Variants in VWC2L observed in about 807,000 individuals in gnomAD.
VWC2L encodes the protein von Willebrand factor C domain containing 2 like.
Under a neutral mutation model 21.6 loss-of-function variants are expected in VWC2L, and 10 were observed. That is an observed-to-expected ratio of 0.46 (90% CI 0.29 to 0.78). VWC2L has a LOEUF of 0.78. VWC2L is among the 30% of genes least tolerant of loss of function. VWC2L has a pLI of 0.10. For synonymous variants in VWC2L, 96 were observed against 94.3 expected, an observed-to-expected ratio of 1.02 and a Z score of -0.10; for missense variants, 209 against 277.1, an observed-to-expected ratio of 0.75 and a Z score of 1.74.
At chr2:214,432,696 A>G (rs940146674) in intron 2 of VWC2L, among the ~76,000 whole-genome samples, 1 of 152,186 alleles carries the variant, frequency 6.6e-6, no homozygotes, top group Non-Finnish European at 1.5e-5. Flanking sequence ...ATCTAGGGCC[A>G]GCTGGGACAG....
At position 214,569,981 on chromosome 2, in the gene VWC2L, G is replaced by GAA. The variant is rs139845885; in HGVS notation, c.521-5683_521-5682dup. ...ATGGGGAAATTTCAGGGCTTACCAGGAAAAAAAAACTGCTCAGCTCTTAAT... is the reference window on the plus strand; with the variant it reads ...ATGGGGAAATTTCAGGGCTTACCAGGAAAAAAAAAAACTGCTCAGCTCTTAAT... On this transcript the variant is annotated intron_variant, in intron 3 of 3. Coordinates refer to ENST00000312504, the MANE Select transcript of VWC2L (RefSeq NM_001080500.4). Among the ~76,000 whole-genome samples, 502 of 150,876 alleles carry GAA rather than the reference G, an allele frequency of 3.3e-3. 3 individuals carry two copies. The highest frequency in any genetic ancestry group is 0.012 in the African/African-American group (480 of 41,210).
intron 3 of VWC2L, among the ~76,000 whole-genome samples, chr2:214,452,985 GAC>G (rs1421444121): frequency 2.6e-5 from 4 of 152,084 alleles, no homozygotes; most frequent in Non-Finnish European, 5.9e-5. Context: ...TCCTTTATGA[GAC>G]ATATGCTTTG....
intron 3 of VWC2L, among the ~76,000 whole-genome samples, chr2:214,441,291 C>T (rs534963563): frequency 2.4e-4 from 36 of 152,074 alleles, no homozygotes; most frequent in African/African-American, 8.4e-4. Flanking sequence ...ATATCTAATA[C>T]ACAAAGAGCT....
chr2:214,488,849 G>C (rs1688708844), intron 3 of VWC2L, among the ~76,000 whole-genome samples: 1 of 152,082 alleles, frequency 6.6e-6, no homozygotes, highest in African/African-American at 2.4e-5. Flanking sequence ...GGAGGTGCCA[G>C]GCTCTTCTTT....
intron 3 of VWC2L, among the ~76,000 whole-genome samples, chr2:214,456,693 C>T (rs1019917697): frequency 1.3e-5 from 2 of 152,010 alleles, no homozygotes; most frequent in Non-Finnish European, 2.9e-5. Context: ...ATTTCTTCTA[C>T]TAGTTTTATA....
At chr2:214,517,304 A>G (rs1689158967) in intron 3 of VWC2L, among the ~76,000 whole-genome samples, 1 of 152,210 alleles carries the variant, frequency 6.6e-6, no homozygotes, top group African/African-American at 2.4e-5. Flanking sequence ...AAGGAGAGCT[A>G]TGTAGTGTTA....
chr2:214,476,829 T>G, intron 3 of VWC2L, among the ~76,000 whole-genome samples: 1 of 152,212 alleles, frequency 6.6e-6, no homozygotes, highest in Non-Finnish European at 1.5e-5. Flanking sequence ...GTATTTCATC[T>G]ACTTATTAAT....
chr2:214,520,369 C>G (rs1396444006), intron 3 of VWC2L, among the ~76,000 whole-genome samples: 1 of 151,936 alleles, frequency 6.6e-6, no homozygotes, highest in Non-Finnish European at 1.5e-5. Flanking sequence ...TGTAAATATT[C>G]CATTTTTTTT....
chr2:214,556,734 A>T (rs1689878608), intron 3 of VWC2L, among the ~76,000 whole-genome samples: 1 of 152,188 alleles, frequency 6.6e-6, no homozygotes, highest in Non-Finnish European at 1.5e-5. Flanking sequence ...ACTTCCAGTA[A>T]ATACAAAATA....
At chr2:214,432,451 T>G (rs1027583582) in intron 2 of VWC2L, among the ~76,000 whole-genome samples, 34 of 151,982 alleles carry the variant, frequency 2.2e-4, no homozygotes, top group Non-Finnish European at 4.0e-4. Context: ...CCTGGGGAGG[T>G]GGCATTTGAG....
intron 3 of VWC2L, among the ~76,000 whole-genome samples, chr2:214,542,877 A>G (rs775087912): frequency 6.6e-6 from 1 of 152,186 alleles, no homozygotes; most frequent in Non-Finnish European, 1.5e-5. Flanking sequence ...ATCATGAGCC[A>G]AATTAGGGTT....
Position 214,496,972 on chromosome 2 carries a change from A to G in VWC2L, c.520+60214A>G, listed in dbSNP as rs1688821750. ...CTCTTTGCTGCAATCTTGTTTAACT[A>G]TGTTAAGTGTACAATATCAAAACAC... On this transcript the variant is annotated intron_variant, in intron 3 of 3. Coordinates refer to ENST00000312504, the MANE Select transcript of VWC2L (RefSeq NM_001080500.4). Among the ~76,000 whole-genome samples the G allele has an allele frequency of 2.0e-5, 3 of 152,308 alleles. No homozygotes were observed. In the South Asian group the frequency reaches 6.2e-4, roughly 32 times the overall value.
At chr2:214,564,406 G>C (rs1351214369) in intron 3 of VWC2L, among the ~76,000 whole-genome samples, 1 of 151,956 alleles carries the variant, frequency 6.6e-6, no homozygotes, top group Non-Finnish European at 1.5e-5. Context: ...TCACACTGCT[G>C]GACTTCAAAC....
chr2:214,505,531 C>G (rs966918351), intron 3 of VWC2L, among the ~76,000 whole-genome samples: 38 of 151,728 alleles, frequency 2.5e-4, no homozygotes, highest in Non-Finnish European at 2.9e-5. Context: ...TAATCAGGTC[C>G]TTGCACAGTA....
At chr2:214,525,064 C>G (rs2105913157) in intron 3 of VWC2L, 1 of 116,770 alleles carries the variant, frequency 8.6e-6, no homozygotes, top group South Asian at 2.8e-4. Context: ...CACACACACA[C>G]ACACACACAC....
chr2:214,454,140 T>C (rs1703018395), intron 3 of VWC2L, among the ~76,000 whole-genome samples: 1 of 152,158 alleles, frequency 6.6e-6, no homozygotes, highest in Admixed American at 6.6e-5. Flanking sequence ...GTTGTTAAAC[T>C]CAACTATTGG....
intron 3 of VWC2L, among the ~76,000 whole-genome samples, chr2:214,494,683 G>C (rs1425456786): frequency 2.6e-5 from 4 of 152,138 alleles, no homozygotes; most frequent in African/African-American, 7.2e-5. Flanking sequence ...AAGTTTATCA[G>C]AATTAAGCAG....
At chr2:214,455,188 C>T (rs1038403262) in intron 3 of VWC2L, among the ~76,000 whole-genome samples, 1 of 151,974 alleles carries the variant, frequency 6.6e-6, no homozygotes, top group African/African-American at 2.4e-5. Context: ...TAGAATTCAC[C>T]AATGACCTAT....
chr2:214,559,225 A>C (rs1689924771), intron 3 of VWC2L, among the ~76,000 whole-genome samples: 1 of 152,128 alleles, frequency 6.6e-6, no homozygotes, highest in East Asian at 1.9e-4. Flanking sequence ...CAGCCAAAAA[A>C]CACATGAAAA....
Sources: gnomAD v4.1 joint callset for allele counts (sites outside exome capture counted in the v4.1 genomes callset) on GRCh38, gnomAD v4.1.1 for gene constraint, MANE v1.5 for transcripts, NCBI Gene and HGNC (gene_info 2026-07-23, HGNC 2026-07-21) for gene names.